The following AUTS2 variants were observed in gnomAD, a reference collection of about 807,000 sequenced individuals.
AUTS2 encodes the protein autism susceptibility gene 2 protein.
In AUTS2, 17 loss-of-function variants were observed where a neutral mutation model predicts 112.4. The ratio of observed to expected loss-of-function variants is 0.15; its 90% CI spans 0.10 to 0.23. The LOEUF (loss-of-function observed/expected upper bound fraction) is 0.23, where lower values mean the gene tolerates loss of function less well. AUTS2 is among the 10% of genes least tolerant of loss of function. AUTS2 has a pLI of 1.00. For missense variants in AUTS2, 1,510 were observed against 1,701.6 expected, an observed-to-expected ratio of 0.89 and a Z score of 1.98; for synonymous variants, 751 against 702.7, an observed-to-expected ratio of 1.07 and a Z score of -1.09.
intron 1 of AUTS2, among the ~76,000 whole-genome samples, chr7:69,662,550 C>T (rs1795850776): frequency 6.6e-6 from 1 of 152,140 alleles, no homozygotes; most frequent in African/African-American, 2.4e-5. Context: ...AGAATTTCTG[C>T]CTTAGAAAGA....
intron 2 of AUTS2, among the ~76,000 whole-genome samples, chr7:69,990,394 A>C (rs1185771445): frequency 2.0e-5 from 3 of 152,172 alleles, no homozygotes; most frequent in Admixed American, 2.0e-4. Context: ...TAAAATATCT[A>C]GTTCATTTTC....
At chr7:70,418,761 C>CA in intron 4 of AUTS2, among the ~76,000 whole-genome samples, 1 of 149,328 alleles carries the variant, frequency 6.7e-6, no homozygotes, top group South Asian at 2.3e-4. Context: ...CGTTAAAGAT[C>CA]AAAAACGACA....
intron 7 of AUTS2, among the ~76,000 whole-genome samples, chr7:70,763,755 G>T (rs76243227): frequency 6.6e-6 from 1 of 152,010 alleles, no homozygotes; most frequent in East Asian, 1.9e-4. Flanking sequence ...AAGAAAACTC[G>T]TCTCCCTGCA....
rs371356762 is a variant in AUTS2, at chr7:69,970,145, CTCTT to C, written c.522+70652_522+70655del. On this transcript the variant is annotated intron_variant, in intron 2 of 18. Coordinates refer to ENST00000342771, the MANE Select transcript of AUTS2 (RefSeq NM_015570.4). ...TCCATCTAAATTATTTATGAGTTGTCTCTTTCTTGAATTAGATTGGTGCCTAGCT... is the reference window on the plus strand; with the variant it reads ...TCCATCTAAATTATTTATGAGTTGTCTCTTGAATTAGATTGGTGCCTAGCT... 8.7e-4 allele frequency among the ~76,000 whole-genome samples: 132 copies of C among 152,250 alleles called. 2 individuals are homozygous for C. The South Asian group carries it at 0.027, about 31-fold the overall frequency.
chr7:70,457,983 C>T (rs1238921274), intron 5 of AUTS2, among the ~76,000 whole-genome samples: 1 of 152,100 alleles, frequency 6.6e-6, no homozygotes, highest in Non-Finnish European at 1.5e-5. Context: ...CCACACGCCT[C>T]CCATTTCCAA....
At chr7:70,292,667 G>A (rs2129612148) in intron 4 of AUTS2, 1 of 152,262 alleles carries the variant, frequency 6.6e-6, no homozygotes, top group South Asian at 2.1e-4. Context: ...CCACTTCCAA[G>A]TACTTCCATT....
intron 5 of AUTS2, among the ~76,000 whole-genome samples, chr7:70,496,495 C>T (rs1338435154): frequency 1.5e-5 from 2 of 137,460 alleles, no homozygotes; most frequent in Non-Finnish European, 3.1e-5. Context: ...CACACATGCA[C>T]ACGTCACATC....
intron 5 of AUTS2, among the ~76,000 whole-genome samples, chr7:70,448,409 A>C (rs1197138219): frequency 6.6e-6 from 1 of 152,148 alleles, no homozygotes; most frequent in Non-Finnish European, 1.5e-5. Flanking sequence ...GAGAAATTTA[A>C]AATTAAGTTA....
chr7:70,615,792 A>G (rs575792279), intron 5 of AUTS2, among the ~76,000 whole-genome samples: 2 of 151,930 alleles, frequency 1.3e-5, no homozygotes, highest in African/African-American at 4.8e-5. Flanking sequence ...GTTGCCCAGG[A>G]TAGAGTGCTA....
At chr7:69,868,732 A>G (rs1188959472) in intron 1 of AUTS2, among the ~76,000 whole-genome samples, 1 of 152,202 alleles carries the variant, frequency 6.6e-6, no homozygotes, top group Non-Finnish European at 1.5e-5. Flanking sequence ...TAAATTTGAA[A>G]TTTTGATAGG....
At chr7:69,639,289 A>AATGT (rs1432651183) in intron 1 of AUTS2, among the ~76,000 whole-genome samples, 3 of 152,194 alleles carry the variant, frequency 2.0e-5, no homozygotes, top group Non-Finnish European at 4.4e-5. Flanking sequence ...ACTTGATGCA[A>AATGT]ATGTAGCAGA....
intron 2 of AUTS2, among the ~76,000 whole-genome samples, chr7:70,058,295 G>A (rs1802083558): frequency 6.6e-6 from 1 of 152,146 alleles, no homozygotes; most frequent in Non-Finnish European, 1.5e-5. Flanking sequence ...TCCTATACAT[G>A]TGGTATGTCT....
At chr7:69,920,523 G>T (rs1001190661) in intron 2 of AUTS2, among the ~76,000 whole-genome samples, 3 of 152,088 alleles carry the variant, frequency 2.0e-5, no homozygotes, top group African/African-American at 4.8e-5. Flanking sequence ...TGAGCTCAGA[G>T]AATCTACCTG....
intron 3 of AUTS2, among the ~76,000 whole-genome samples, chr7:70,125,286 T>TG (rs1491209360): frequency 2.9e-4 from 44 of 149,786 alleles, no homozygotes; most frequent in Middle Eastern, 3.4e-3. Flanking sequence ...TGTGTGTGTG[T>TG]TTTTAATGTT....
intron 4 of AUTS2, among the ~76,000 whole-genome samples, chr7:70,433,827 T>G (rs867739743): frequency 6.6e-6 from 1 of 152,282 alleles, no homozygotes; most frequent in Non-Finnish European, 1.5e-5. Flanking sequence ...AAAGAATAAG[T>G]AGTCCCCAGG....
intron 5 of AUTS2, among the ~76,000 whole-genome samples, chr7:70,621,791 C>G (rs1405309084): frequency 7.0e-6 from 1 of 143,338 alleles, no homozygotes; most frequent in Non-Finnish European, 1.5e-5. Flanking sequence ...GCTAGCTGTT[C>G]TGGGACGCTA....
chr7:70,757,610 G>A (rs1789291378), intron 6 of AUTS2, among the ~76,000 whole-genome samples: 4 of 151,716 alleles, frequency 2.6e-5, no homozygotes, highest in Admixed American at 2.6e-4. Flanking sequence ...GTCAATTTTA[G>A]CAATTTATAT....
chr7:70,612,565 A>C (rs979833712), intron 5 of AUTS2, among the ~76,000 whole-genome samples: 1 of 152,062 alleles, frequency 6.6e-6, no homozygotes, highest in Non-Finnish European at 1.5e-5. Context: ...TAAGTCCAAC[A>C]AGACCTACCC....
At chr7:70,610,243 A>T (rs1245136236) in intron 5 of AUTS2, among the ~76,000 whole-genome samples, 1 of 151,832 alleles carries the variant, frequency 6.6e-6, no homozygotes. Flanking sequence ...AAGTGATCCA[A>T]CTGCCTTGAC....
Sources: allele counts gnomAD v4.1 joint callset (sites outside exome capture counted in the v4.1 genomes callset), GRCh38; gene constraint gnomAD v4.1.1; transcripts MANE v1.5; gene names NCBI Gene and HGNC (gene_info 2026-07-23, HGNC 2026-07-21).